Variants in EXOC4 observed in about 807,000 individuals in gnomAD.
The protein encoded by EXOC4 is SEC8-like 1.
EXOC4 carries 71 observed loss-of-function variants against 107.2 expected under a neutral mutation model. The observed-to-expected ratio is 0.66, with a 90% CI of 0.55 to 0.81. The LOEUF is 0.81. Among genes scored for constraint, EXOC4 ranks in the 30% least tolerant of loss-of-function variants. EXOC4 has a pLI of 0.00. For missense variants in EXOC4, 1,108 were observed against 1,189.6 expected, an observed-to-expected ratio of 0.93 and a Z score of 1.01; for synonymous variants, 456 against 441.2, an observed-to-expected ratio of 1.03 and a Z score of -0.42.
intron 9 of EXOC4, among the ~76,000 whole-genome samples, chr7:133,597,959 C>T (rs1017536600): frequency 6.6e-5 from 10 of 151,688 alleles, no homozygotes; most frequent in African/African-American, 2.4e-4. Flanking sequence ...GCTTCCGCCT[C>T]CCAGGATCCG....
At chr7:133,444,484 C>T (rs1294613494) in intron 7 of EXOC4, among the ~76,000 whole-genome samples, 1 of 152,150 alleles carries the variant, frequency 6.6e-6, no homozygotes, top group African/African-American at 2.4e-5. Context: ...CTGCTTCCTG[C>T]CCCACGGAGC....
Position 134,064,574 on chromosome 7 carries a change from A to AT in EXOC4, c.*46_*47insT, listed in dbSNP as rs770303472. 3 of 1,311,430 alleles carry AT rather than the reference A, an allele frequency of 2.3e-6. No homozygotes were observed. In the South Asian group the frequency reaches 4.0e-5, roughly 18 times the overall value. The allele number at this position is 1,311,430 out of a possible 1,614,324, so 81.2% of individuals were successfully genotyped here. On this transcript the variant is annotated 3_prime_UTR_variant, in exon 18 of 18. Transcript: ENST00000253861. Reference sequence around the variant, plus strand: ...GACGGGGGTCCCCTCAGTCACACTCACTTTTTTCCTTGGTATGTTATTGAG... The same window carrying AT: ...GACGGGGGTCCCCTCAGTCACACTCATCTTTTTTCCTTGGTATGTTATTGAG...
intron 13 of EXOC4, among the ~76,000 whole-genome samples, chr7:133,932,846 G>T (rs1483641278): frequency 6.6e-6 from 1 of 152,036 alleles, no homozygotes; most frequent in East Asian, 1.9e-4. Flanking sequence ...GGCTCTTAGG[G>T]CAGTTATCTC....
At chr7:133,507,132 T>A (rs1799681516) in intron 9 of EXOC4, among the ~76,000 whole-genome samples, 1 of 152,146 alleles carries the variant, frequency 6.6e-6, no homozygotes, top group African/African-American at 2.4e-5. Context: ...TAAGTAGATA[T>A]TACAGTTTTC....
chr7:133,695,309 T>A (rs1794510285), intron 10 of EXOC4, among the ~76,000 whole-genome samples: 2 of 152,210 alleles, frequency 1.3e-5, no homozygotes, highest in African/African-American at 2.4e-5. Flanking sequence ...CTTCCCATTC[T>A]TTTTAATGGC....
chr7:134,055,328 G>T (rs147206523), intron 17 of EXOC4, among the ~76,000 whole-genome samples: 1 of 152,142 alleles, frequency 6.6e-6, no homozygotes, highest in Non-Finnish European at 1.5e-5. Flanking sequence ...GCTGTAGTGG[G>T]TTGCAGTGAA....
chr7:133,442,416 A>G (rs1798124889), intron 7 of EXOC4, among the ~76,000 whole-genome samples: 1 of 152,138 alleles, frequency 6.6e-6, no homozygotes, highest in Non-Finnish European at 1.5e-5. Flanking sequence ...GTGGAGATTT[A>G]AAGCTGAAAA....
At chr7:133,720,531 G>A (rs767468997) in intron 10 of EXOC4, among the ~76,000 whole-genome samples, 6 of 151,990 alleles carry the variant, frequency 3.9e-5, no homozygotes, top group Non-Finnish European at 8.8e-5. Context: ...TCATGTTAAA[G>A]CAAATAAAAT....
chr7:133,317,644 T>C (rs947703367), intron 5 of EXOC4, among the ~76,000 whole-genome samples: 1 of 152,164 alleles, frequency 6.6e-6, no homozygotes, highest in African/African-American at 2.4e-5. Context: ...TCCAGCTGCA[T>C]CTGTGTTTTG....
intron 9 of EXOC4, among the ~76,000 whole-genome samples, chr7:133,579,307 A>G (rs555360949): frequency 2.0e-5 from 3 of 152,330 alleles, no homozygotes; most frequent in African/African-American, 7.2e-5. Flanking sequence ...ACATGAGTAA[A>G]TAATTTGCTT....
At chr7:133,954,341 C>G (rs1184097192) in intron 14 of EXOC4, among the ~76,000 whole-genome samples, 1 of 152,152 alleles carries the variant, frequency 6.6e-6, no homozygotes, top group Non-Finnish European at 1.5e-5. Flanking sequence ...TAACATGAAC[C>G]TTGCTCTAAG....
At chr7:133,552,526 A>G (rs1196074965) in intron 9 of EXOC4, among the ~76,000 whole-genome samples, 2 of 152,210 alleles carry the variant, frequency 1.3e-5, no homozygotes, top group Admixed American at 6.5e-5. Context: ...TTCAAAAGCC[A>G]TCTATATTAG....
chr7:133,391,027 A>G (rs370440924), intron 7 of EXOC4, among the ~76,000 whole-genome samples: 9 of 152,332 alleles, frequency 5.9e-5, no homozygotes, highest in African/African-American at 2.2e-4. Flanking sequence ...AAAATCTTAT[A>G]GCTCTCAAAG....
rs148315825 is a variant in EXOC4, at chr7:133,866,069, C to T, written c.1735-29530C>T. Among the ~76,000 whole-genome samples, 367 of 152,266 alleles carry T rather than the reference C, an allele frequency of 2.4e-3. 5 individuals are homozygous for T. Among genetic ancestry groups the T allele is most frequent in the African/African-American group, 8.3e-3 (343 of 41,548 alleles). ...TAATAACTCTGGGACTGACAGCTAACATTTATGATGGGAAACTATTAATAA... is the reference window on the plus strand; with the variant it reads ...TAATAACTCTGGGACTGACAGCTAATATTTATGATGGGAAACTATTAATAA... On this transcript the variant is annotated intron_variant, in intron 11 of 17. Coordinates refer to ENST00000253861, the MANE Select transcript of EXOC4 (RefSeq NM_021807.4).
At chr7:133,347,282 T>A (rs914031206) in intron 5 of EXOC4, among the ~76,000 whole-genome samples, 4 of 151,124 alleles carry the variant, frequency 2.6e-5, no homozygotes, top group Non-Finnish European at 5.9e-5. Flanking sequence ...TTTGCTCTCT[T>A]GCCCAGGCTA....
At chr7:133,769,390 A>C (rs970468417) in intron 10 of EXOC4, among the ~76,000 whole-genome samples, 1 of 151,898 alleles carries the variant, frequency 6.6e-6, no homozygotes, top group Non-Finnish European at 1.5e-5. Flanking sequence ...AGGCTACTAA[A>C]GTGGAAAGTT....
chr7:133,308,965 G>A (rs1239774034), intron 4 of EXOC4, among the ~76,000 whole-genome samples: 1 of 152,160 alleles, frequency 6.6e-6, no homozygotes, highest in Non-Finnish European at 1.5e-5. Flanking sequence ...CATTTTGCAA[G>A]CTGTTGAATG....
chr7:133,349,128 A>G (rs914421084), intron 5 of EXOC4, among the ~76,000 whole-genome samples: 1 of 12,502 alleles, frequency 8.0e-5, no homozygotes, highest in African/African-American at 2.2e-4. Context: ...TCAGATTTAA[A>G]TGTTTTTTTT....
rs186616909 is a variant in EXOC4, at chr7:133,676,372, G to A, written c.1514+46231G>A. 5.3e-5 allele frequency among the ~76,000 whole-genome samples: 8 copies of A among 152,252 alleles called. No individual in the cohort carries two copies. The East Asian group carries it at 1.2e-3, about 22-fold the overall frequency. On this transcript the variant is annotated intron_variant, in intron 10 of 17. Transcript: ENST00000253861. ...GCTGCAACTGCTGGAATGGGACCGA[G>A]TATGCCTATTTTGAAGAGCAACATA... is the stretch of plus-strand genomic sequence containing the variant.
Sources: allele counts gnomAD v4.1 joint callset (sites outside exome capture counted in the v4.1 genomes callset), GRCh38; gene constraint gnomAD v4.1.1; transcripts MANE v1.5; gene names NCBI Gene and HGNC (gene_info 2026-07-23, HGNC 2026-07-21).